FMN1: variants seen among roughly 807,000 people sequenced by gnomAD.
The protein encoded by FMN1 is formin 1, also known as formin-1.
A neutral mutation model predicts 132.4 loss-of-function variants in FMN1; 110 were observed. The ratio of observed to expected loss-of-function variants is 0.83; its 90% CI spans 0.71 to 0.97. FMN1 has a LOEUF of 0.97. Among genes scored for constraint, FMN1 ranks in the 50% least tolerant of loss-of-function variants. The pLI, the probability that FMN1 is intolerant of heterozygous loss-of-function variation, is 0.00. For synonymous variants in FMN1, 722 were observed against 651.7 expected (o/e 1.11, Z -1.64); for missense variants, 1,792 against 1,705.3 (o/e 1.05, Z -0.90).
At chr15:32,804,875 G>A (rs1200072367) in intron 17 of FMN1, among the ~76,000 whole-genome samples, 5 of 152,180 alleles carry the variant, frequency 3.3e-5, no homozygotes, top group Non-Finnish European at 7.3e-5. Flanking sequence ...ATTCCATGGT[G>A]TATATGTGCC....
chr15:33,134,847 C>G (rs1238204444), intron 4 of FMN1, among the ~76,000 whole-genome samples: 5 of 152,146 alleles, frequency 3.3e-5, no homozygotes, highest in African/African-American at 1.2e-4. Flanking sequence ...ACTAAAAGTA[C>G]AAAATTTAGC....
intron 18 of FMN1, among the ~76,000 whole-genome samples, chr15:32,801,918 T>A (rs1484718865): frequency 6.6e-6 from 1 of 152,264 alleles, no homozygotes; most frequent in Admixed American, 6.5e-5. Flanking sequence ...TAGACTGTTG[T>A]CTTTCCTAGA....
chr15:33,044,136 G>A (rs1276306016), intron 6 of FMN1, among the ~76,000 whole-genome samples: 2 of 152,230 alleles, frequency 1.3e-5, no homozygotes, highest in African/African-American at 2.4e-5. Flanking sequence ...CTGGGGCCTT[G>A]GTGCCCTCAA....
intron 17 of FMN1, among the ~76,000 whole-genome samples, chr15:32,808,416 C>CT (rs1465386602): frequency 3.3e-5 from 5 of 152,224 alleles, no homozygotes; most frequent in African/African-American, 7.2e-5. Flanking sequence ...GCAGTCAGGT[C>CT]TTTGACAGTT....
intron 6 of FMN1, among the ~76,000 whole-genome samples, chr15:33,062,256 T>C (rs2037518348): frequency 1.3e-5 from 2 of 152,194 alleles, no homozygotes; most frequent in South Asian, 4.1e-4. Context: ...AGACAAAGAC[T>C]TACAGTAGTT....
At chr15:33,027,156 A>G (rs1327794954) in intron 6 of FMN1, among the ~76,000 whole-genome samples, 1 of 152,134 alleles carries the variant, frequency 6.6e-6, no homozygotes, top group Admixed American at 6.5e-5. Flanking sequence ...AGCTCACATC[A>G]AGAGTACACA....
intron 4 of FMN1, among the ~76,000 whole-genome samples, chr15:33,128,848 C>A (rs1326097288): frequency 6.6e-6 from 1 of 152,232 alleles, no homozygotes; most frequent in Non-Finnish European, 1.5e-5. Flanking sequence ...GGAAGACAAC[C>A]GGAGCAGACT....
At chr15:33,002,874 G>A (rs1005193124) in intron 7 of FMN1, among the ~76,000 whole-genome samples, 8 of 152,180 alleles carry the variant, frequency 5.3e-5, no homozygotes, top group African/African-American at 1.9e-4. Flanking sequence ...ATCTGTGACT[G>A]CTAGAATAGT....
intron 4 of FMN1, chr15:33,151,512 T>C (rs1964438469): frequency 1.2e-6 from 1 of 850,388 alleles, no homozygotes; most frequent in Non-Finnish European, 1.8e-6. Context: ...TCTGTGTGCC[T>C]GCCTTGATCC....
At chr15:32,785,942 T>A (rs1000840959) in intron 19 of FMN1, among the ~76,000 whole-genome samples, 4 of 152,026 alleles carry the variant, frequency 2.6e-5, no homozygotes, top group African/African-American at 9.7e-5. Context: ...ATAATATGAA[T>A]CTCTTTAAAA....
At chr15:33,083,438 T>C (rs61999991) in intron 5 of FMN1, among the ~76,000 whole-genome samples, 5,622 of 152,224 alleles carry the variant, frequency 0.037, 146 homozygotes, top group Non-Finnish European at 0.057. Context: ...TGATTAGGGT[T>C]GGCATTTTGC....
intron 2 of FMN1, among the ~76,000 whole-genome samples, chr15:33,187,550 C>G (rs529736730): frequency 6.6e-6 from 1 of 152,292 alleles, no homozygotes; most frequent in Non-Finnish European, 1.5e-5. Context: ...TAAGTAGGAA[C>G]CATAGGAAAT....
At chr15:32,913,699 T>C (rs1169912842) in intron 10 of FMN1, among the ~76,000 whole-genome samples, 1 of 152,200 alleles carries the variant, frequency 6.6e-6, no homozygotes, top group African/African-American at 2.4e-5. Context: ...TTTAAGAATC[T>C]GTGGTATGTT....
chr15:32,861,049 A>AAAG (rs1187347505), intron 16 of FMN1, among the ~76,000 whole-genome samples: 2 of 152,204 alleles, frequency 1.3e-5, no homozygotes, highest in African/African-American at 4.8e-5. Flanking sequence ...GAATACAGTT[A>AAAG]AAGAAAAGCT....
At chr15:33,114,332 T>A (rs1296213159) in intron 4 of FMN1, among the ~76,000 whole-genome samples, 1 of 152,226 alleles carries the variant, frequency 6.6e-6, no homozygotes. Context: ...TTCTGGACAG[T>A]GACATAAGAA....
intron 9 of FMN1, among the ~76,000 whole-genome samples, chr15:32,931,812 TATA>T (rs1214888966): frequency 8.5e-5 from 13 of 152,334 alleles, no homozygotes; most frequent in African/African-American, 2.9e-4. Flanking sequence ...CAACCTTGAT[TATA>T]ATATTAGCTT....
At chr15:32,828,323 T>G (rs2058421141) in intron 17 of FMN1, among the ~76,000 whole-genome samples, 1 of 152,214 alleles carries the variant, frequency 6.6e-6, no homozygotes, top group East Asian at 1.9e-4. Context: ...CAATAGATAT[T>G]AAAAATTAGG....
intron 5 of FMN1, chr15:33,068,136 C>T (rs1318730952): frequency 6.5e-6 from 5 of 771,702 alleles, no homozygotes; most frequent in African/African-American, 1.8e-5. Context: ...GCCGAGGCTG[C>T]GCACCTTACT....
chr15:32,789,971 T>A (rs568653210), intron 19 of FMN1, among the ~76,000 whole-genome samples: 25 of 152,370 alleles, frequency 1.6e-4, no homozygotes, highest in Non-Finnish European at 3.4e-4. Context: ...GTAAGTACAC[T>A]CTATAATGTT....
Sources: allele counts gnomAD v4.1 joint callset (sites outside exome capture counted in the v4.1 genomes callset), GRCh38; gene constraint gnomAD v4.1.1; transcripts MANE v1.5; gene names NCBI Gene and HGNC (gene_info 2026-07-23, HGNC 2026-07-21).